Variants in KIF6 observed in about 807,000 individuals in gnomAD.
The protein encoded by KIF6 is kinesin family member 6.
Under a neutral mutation model 112.7 loss-of-function variants are expected in KIF6, and 106 were observed. The observed-to-expected ratio is 0.94, with a 90% CI of 0.80 to 1.11. The LOEUF (loss-of-function observed/expected upper bound fraction) is 1.11, where lower values mean the gene tolerates loss of function less well. Ranked by LOEUF, KIF6 falls within the 50% of genes least tolerant of loss-of-function variation. The pLI is 0.00. For missense variants in KIF6, 929 were observed against 964.0 expected, an observed-to-expected ratio of 0.96 and a Z score of 0.48; for synonymous variants, 339 against 339.9, an observed-to-expected ratio of 1.00 and a Z score of 0.03.
Position 39,345,751 on chromosome 6 carries a change from G to A in KIF6, c.2270C>T (p.Pro757Leu), listed in dbSNP as rs145557784. Residue 757 changes from proline (P) to leucine (L), a missense_variant, in exon 21 of 23, where the codon CCC (proline) becomes CTC (leucine). Physicochemically the swap from Pro to Leu is moderately conservative, Grantham distance 98. Around this residue, in one of 2 missense-constraint regions of KIF6, gnomAD observed 241 missense variants for 301.4 expected, o/e 0.80. Transcript: ENST00000287152. ...GCTCTGTTTCTGGCTGTGTGGACTG[G>A]GGCAAGGCGAGGGCAGGATTTTCCT... ...NARKILPSPC[P>L]SPHSQKQSST... The A allele has an allele frequency of 6.2e-7, 1 of 1,613,996 alleles. No homozygotes were observed. The highest frequency in any genetic ancestry group is 8.5e-7 in the Non-Finnish European group (1 of 1,179,962).
intron 13 of KIF6, among the ~76,000 whole-genome samples, chr6:39,533,786 G>C (rs1030729984): frequency 1.3e-5 from 2 of 152,156 alleles, no homozygotes; most frequent in African/African-American, 4.8e-5. Flanking sequence ...CCTGACTCCC[G>C]AGCAGCCTAA....
intron 7 of KIF6, among the ~76,000 whole-genome samples, chr6:39,594,726 A>T (rs1259976747): frequency 6.6e-6 from 1 of 152,216 alleles, no homozygotes; most frequent in African/African-American, 2.4e-5. Context: ...AGTTAAAAAA[A>T]GGTTTTATTT....
chr6:39,524,413 G>A (rs1182245840), intron 13 of KIF6, among the ~76,000 whole-genome samples: 1 of 152,118 alleles, frequency 6.6e-6, no homozygotes, highest in East Asian at 1.9e-4. Flanking sequence ...TGGTATCTTG[G>A]AAATCCTGGA....
intron 14 of KIF6, among the ~76,000 whole-genome samples, chr6:39,422,762 TC>T (rs2150368369): frequency 6.6e-6 from 1 of 152,242 alleles, no homozygotes; most frequent in East Asian, 1.9e-4. Context: ...CCAGTCTCCC[TC>T]CCTCCTCACT....
chr6:39,351,620 C>T (rs1764253725), intron 19 of KIF6, among the ~76,000 whole-genome samples: 2 of 152,148 alleles, frequency 1.3e-5, no homozygotes, highest in African/African-American at 4.8e-5. Flanking sequence ...CTCTCTCTCT[C>T]TCTCACACAC....
intron 13 of KIF6, among the ~76,000 whole-genome samples, chr6:39,533,886 G>A (rs182310568): frequency 6.6e-6 from 1 of 152,330 alleles, no homozygotes; most frequent in East Asian, 1.9e-4. Flanking sequence ...CGATCAGACA[G>A]CAGCACTTGC....
chr6:39,426,548 G>A (rs1019487015), intron 14 of KIF6, among the ~76,000 whole-genome samples: 5 of 152,134 alleles, frequency 3.3e-5, no homozygotes, highest in Non-Finnish European at 7.4e-5. Context: ...GAGCCCAGGA[G>A]TTCTAGACCA....
At chr6:39,722,853 C>T (rs1375947530) in intron 1 of KIF6, among the ~76,000 whole-genome samples, 1 of 152,122 alleles carries the variant, frequency 6.6e-6, no homozygotes, top group Non-Finnish European at 1.5e-5. Flanking sequence ...AAACTACTTC[C>T]TGGAGGATCA....
intron 2 of KIF6, 64 bp from the exon 3 acceptor site, chr6:39,714,830 T>C (rs1196390116): frequency 2.7e-6 from 3 of 1,095,408 alleles, no homozygotes; most frequent in African/African-American, 3.2e-5. Flanking sequence ...GATTAATAAA[T>C]CTTGTTTTTC....
At chr6:39,700,377 A>AAC (rs1788813195) in intron 3 of KIF6, among the ~76,000 whole-genome samples, 1 of 152,242 alleles carries the variant, frequency 6.6e-6, no homozygotes, top group African/African-American at 2.4e-5. Context: ...TTACTTCGAA[A>AAC]TGTAAGTTTT....
At chr6:39,680,171 C>T (rs1437800936) in intron 3 of KIF6, among the ~76,000 whole-genome samples, 2 of 151,682 alleles carry the variant, frequency 1.3e-5, no homozygotes, top group Non-Finnish European at 2.9e-5. Context: ...CCACACCTGG[C>T]TAATTTTTGT....
At chr6:39,476,517 T>A (rs995156873) in intron 13 of KIF6, among the ~76,000 whole-genome samples, 4 of 152,084 alleles carry the variant, frequency 2.6e-5, no homozygotes, top group Non-Finnish European at 4.4e-5. Flanking sequence ...GCCTGCACCA[T>A]CAGAAGGAGC....
At chr6:39,628,559 A>G (rs370897405) in intron 5 of KIF6, among the ~76,000 whole-genome samples, 5 of 152,210 alleles carry the variant, frequency 3.3e-5, no homozygotes, top group African/African-American at 7.2e-5. Context: ...CTGTTCACCA[A>G]TTGGAATCAT....
In KIF6 at chr6:39,345,798, C is replaced by CACAA; in HGVS notation, c.2232-13_2232-10dup. The CACAA allele has an allele frequency of 6.2e-7, 1 of 1,608,490 alleles. No individual in the cohort carries two copies. The highest frequency in any genetic ancestry group is 1.1e-5 in the South Asian group (1 of 90,368). On this transcript the variant is annotated splice_polypyrimidine_tract_variant and intron_variant, in intron 20 of 22. Coordinates refer to ENST00000287152, the MANE Select transcript of KIF6 (RefSeq NM_145027.6). ...TCCTGGCATTCACATCACTGCAAAACACAAACAAACAAAAGCAAAAGGAAT... is the reference window on the plus strand; with the variant it reads ...TCCTGGCATTCACATCACTGCAAAACACAAACAAACAAACAAAAGCAAAAGGAAT...
At chr6:39,667,338 G>C (rs539526670) in intron 3 of KIF6, among the ~76,000 whole-genome samples, 35 of 152,280 alleles carry the variant, frequency 2.3e-4, no homozygotes, top group African/African-American at 8.2e-4. Context: ...TGAGCCTGGA[G>C]TTCTGACGTT....
At chr6:39,639,274 T>C (rs1354881867) in intron 4 of KIF6, among the ~76,000 whole-genome samples, 1 of 152,100 alleles carries the variant, frequency 6.6e-6, no homozygotes, top group African/African-American at 2.4e-5. Flanking sequence ...AAGAAAGATC[T>C]GCTTTGATAA....
At chr6:39,546,260 C>T (rs905066063) in intron 10 of KIF6, among the ~76,000 whole-genome samples, 1 of 152,176 alleles carries the variant, frequency 6.6e-6, no homozygotes, top group East Asian at 1.9e-4. Context: ...CAGAGTGTCT[C>T]TGCCTCACTG....
intron 9 of KIF6, among the ~76,000 whole-genome samples, chr6:39,582,006 C>T (rs539709735): frequency 2.6e-4 from 40 of 152,228 alleles, no homozygotes; most frequent in African/African-American, 9.1e-4. Context: ...TGAAATGTAT[C>T]GGATCATGTG....
At chr6:39,440,753 G>A (rs1291592328) in intron 13 of KIF6, among the ~76,000 whole-genome samples, 5 of 152,116 alleles carry the variant, frequency 3.3e-5, no homozygotes, top group African/African-American at 7.2e-5. Flanking sequence ...ATAATCTATC[G>A]AGCTGTAGCA....
Sources: allele counts gnomAD v4.1 joint callset (sites outside exome capture counted in the v4.1 genomes callset), GRCh38; gene constraint gnomAD v4.1.1; regional missense constraint gnomAD v4.1.1; transcripts MANE v1.5; gene names NCBI Gene and HGNC (gene_info 2026-07-23, HGNC 2026-07-21).